Variants in CMYA5 observed in about 807,000 individuals in gnomAD.
CMYA5 encodes cardiomyopathy-associated protein 5.
In CMYA5, 246 loss-of-function variants were observed where a neutral mutation model predicts 318.9. The observed-to-expected ratio is 0.77, with a 90% confidence interval of 0.70 to 0.86. The LOEUF (loss-of-function observed/expected upper bound fraction) is 0.86, where lower values mean the gene tolerates loss of function less well. Among genes scored for constraint, CMYA5 ranks in the 40% least tolerant of loss-of-function variants. The pLI, the probability that CMYA5 is intolerant of heterozygous loss-of-function variation, is 0.00. For synonymous variants in CMYA5, 1,641 were observed against 1,729.5 expected (o/e 0.95, Z 1.27); for missense variants, 4,589 against 4,678.2 (o/e 0.98, Z 0.56).
chr5:79,744,174 G>C (rs571780949), intron 3 of CMYA5, among the ~76,000 whole-genome samples: 4 of 152,284 alleles, frequency 2.6e-5, no homozygotes, highest in Non-Finnish European at 4.4e-5. Flanking sequence ...TACTATAATA[G>C]GGCAAATGCT....
intron 9 of CMYA5, among the ~76,000 whole-genome samples, chr5:79,777,752 G>A (rs1371121178): frequency 6.6e-6 from 1 of 152,030 alleles, no homozygotes; most frequent in Non-Finnish European, 1.5e-5. Context: ...CCCAGCCCGG[G>A]AGACAAGAGT....
intron 6 of CMYA5, among the ~76,000 whole-genome samples, chr5:79,756,106 A>G (rs1828523696): frequency 6.6e-6 from 1 of 152,232 alleles, no homozygotes; most frequent in South Asian, 2.1e-4. Flanking sequence ...CCTGGGTAAC[A>G]TGAAAATTTA....
chr5:79,703,005 G>A (rs1440783624), intron 1 of CMYA5, among the ~76,000 whole-genome samples: 1 of 152,180 alleles, frequency 6.6e-6, no homozygotes, highest in Non-Finnish European at 1.5e-5. Context: ...AGAGTATCTG[G>A]TGCTGTCAGC....
chr5:79,757,073 T>C (rs1828543103), intron 6 of CMYA5, among the ~76,000 whole-genome samples: 1 of 151,390 alleles, frequency 6.6e-6, no homozygotes, highest in South Asian at 2.1e-4. Context: ...TGGGCGCCTG[T>C]AATCCCAGCT....
chr5:79,788,836 T>G, intron 9 of CMYA5, 135 bp from the exon 10 acceptor site: 1 of 833,324 alleles, frequency 1.2e-6, no homozygotes, highest in Non-Finnish European at 1.8e-6. Context: ...GGCTTGCTAA[T>G]CCAGTGGTCA....
chr5:79,763,099 T>C lies in CMYA5; in HGVS notation c.11445T>C (p.Thr3815=). The change falls in exon 9 of 13, where the codon ACT becomes ACC. Residue 3815 remains threonine (T), a synonymous_variant. Transcript: ENST00000446378. ...CTGTGATCCGCGCTGAGGACTGTAC[T>C]GTGTGTTGGAACACAGCCACTATCC... is the stretch of plus-strand genomic sequence containing the variant. ...STPVIRAEDC[T]VCWNTATIRW... is the part of the protein sequence containing the mutation. 1 of 1,613,900 alleles carries C rather than the reference T, an allele frequency of 6.2e-7. No individual in the cohort carries two copies. Among genetic ancestry groups the C allele is most frequent in the South Asian group, 1.1e-5 (1 of 91,060 alleles).
chr5:79,748,520 C>CCTATCTATCTATCTATCTATCTAT (rs5869002), intron 5 of CMYA5, among the ~76,000 whole-genome samples: 1 of 149,082 alleles, frequency 6.7e-6, no homozygotes, highest in Non-Finnish European at 1.5e-5. Context: ...TATCTATCTA[C>CCTATCTATCTATCTATCTATCTAT]CTATCTATCT....
At chr5:79,709,078 T>C (rs1194399869) in intron 1 of CMYA5, among the ~76,000 whole-genome samples, 2 of 152,220 alleles carry the variant, frequency 1.3e-5, no homozygotes, top group African/African-American at 2.4e-5. Context: ...AGTGACACTT[T>C]GGTTTTCTAC....
chr5:79,765,623 A>G (rs1471102782), intron 9 of CMYA5, among the ~76,000 whole-genome samples: 1 of 152,202 alleles, frequency 6.6e-6, no homozygotes, highest in African/African-American at 2.4e-5. Flanking sequence ...ATCCATGAGC[A>G]TGGAATGTTT....
At chr5:79,727,241 G>A (rs1184014742) in intron 1 of CMYA5, among the ~76,000 whole-genome samples, 1 of 152,110 alleles carries the variant, frequency 6.6e-6, no homozygotes, top group African/African-American at 2.4e-5. Flanking sequence ...AATACATATT[G>A]TAGTCGCCTG....
rs1423682651 is a variant in CMYA5, at chr5:79,736,819, G to C, written c.8054G>C (p.Gly2685Ala). 4 of 1,611,296 alleles carry C rather than the reference G, an allele frequency of 2.5e-6. No homozygotes were observed. The highest frequency in any genetic ancestry group is 2.5e-6 in the Non-Finnish European group (3 of 1,179,566). ...AGAGAGTCAGAGCTATCGAAAGGCG[G>C]TTCAGTAGATATCACAAAAGAAACT... The part of the protein sequence containing the change: ...QFRESELSKG[G>A]SVDITKETVK... The change falls in exon 2 of 13, where the codon GGT (glycine) becomes GCT (alanine). Residue 2685 changes from glycine to alanine, a missense_variant. Physicochemically the swap from Gly to Ala is moderately conservative, Grantham distance 60 (BLOSUM62 0). Transcript: ENST00000446378.
chr5:79,699,026 C>T (rs1442217428), intron 1 of CMYA5, among the ~76,000 whole-genome samples: 2 of 152,008 alleles, frequency 1.3e-5, no homozygotes, highest in East Asian at 3.9e-4. Context: ...GGCGTAGTTG[C>T]GTGCACCTGT....
In CMYA5 at chr5:79,729,218, A is replaced by C. The variant is rs371426208; in HGVS notation, c.453A>C (p.Arg151Ser). Residue 151 changes from arginine to serine, a missense_variant, in exon 2 of 13, where the codon AGA becomes AGC. Coordinates refer to ENST00000446378, the MANE Select transcript of CMYA5 (RefSeq NM_153610.5). ...CATCATTACGCCGGAAAGGCAACAG[A>C]AAAAGAAATTCTTTTGAATCCCAAG... ...GSPSLRRKGN[R>S]KRNSFESQDV... The C allele has an allele frequency of 6.2e-7, 1 of 1,612,858 alleles. No individual in the cohort carries two copies. The highest frequency in any genetic ancestry group is 8.5e-7 in the Non-Finnish European group (1 of 1,179,626).
At chr5:79,753,598 A>ACAG (rs764165833) in intron 6 of CMYA5, among the ~76,000 whole-genome samples, 13 of 152,048 alleles carry the variant, frequency 8.5e-5, no homozygotes, top group Admixed American at 2.0e-4. Flanking sequence ...AACAACAACA[A>ACAG]CAACAACAAA....
intron 6 of CMYA5, among the ~76,000 whole-genome samples, chr5:79,753,520 G>A (rs908066169): frequency 8.6e-5 from 13 of 151,874 alleles, no homozygotes; most frequent in Admixed American, 2.6e-4. Context: ...AGGCTGAGGC[G>A]GGAGGATCAC....
intron 2 of CMYA5, among the ~76,000 whole-genome samples, chr5:79,741,706 G>A (rs961568117): frequency 6.6e-6 from 1 of 152,124 alleles, no homozygotes; most frequent in Non-Finnish European, 1.5e-5. Context: ...ACTGCCAGCA[G>A]AAAGAAGACT....
At chr5:79,698,348 G>C (rs1018920474) in intron 1 of CMYA5, among the ~76,000 whole-genome samples, 4 of 152,006 alleles carry the variant, frequency 2.6e-5, no homozygotes, top group African/African-American at 9.7e-5. Flanking sequence ...GAACTGAGAA[G>C]ACCAAGATTA....
chr5:79,720,150 T>G (rs901848500), intron 1 of CMYA5, among the ~76,000 whole-genome samples: 4 of 152,090 alleles, frequency 2.6e-5, no homozygotes, highest in Admixed American at 2.0e-4. Context: ...TGAGGATTTC[T>G]CAAAAATGCT....
At chr5:79,727,478 T>G (rs1241043109) in intron 1 of CMYA5, among the ~76,000 whole-genome samples, 1 of 152,202 alleles carries the variant, frequency 6.6e-6, no homozygotes, top group East Asian at 1.9e-4. Flanking sequence ...TTTTTTCAAT[T>G]GTCTTAATTT....
Sources: allele counts gnomAD v4.1 joint callset (sites outside exome capture counted in the v4.1 genomes callset), GRCh38; gene constraint gnomAD v4.1.1; transcripts MANE v1.5; gene names NCBI Gene and HGNC (gene_info 2026-07-23, HGNC 2026-07-21).